NEK10: variants seen among roughly 807,000 people sequenced by gnomAD.
NEK10 encodes NIMA related kinase 10.
Under a neutral mutation model 159.8 loss-of-function variants are expected in NEK10, and 122 were observed. The ratio of observed to expected loss-of-function variants is 0.76; its 90% CI spans 0.66 to 0.89. The LOEUF is 0.89. Among genes scored for constraint, NEK10 ranks in the 40% least tolerant of loss-of-function variants. NEK10 has a pLI of 0.00. For missense variants in NEK10, 1,342 were observed against 1,323.1 expected (o/e 1.01, Z -0.22); for synonymous variants, 466 against 457.1 (o/e 1.02, Z -0.25).
At position 27,204,292 on chromosome 3, in the gene NEK10, T is replaced by TG. The variant is rs1347171704; in HGVS notation, c.2091-1736_2091-1735insC. On this transcript the variant is annotated intron_variant, in intron 23 of 35. Transcript: ENST00000691995. ...TAAATTTTCTTTTTTTTTTTTTTTT[T>TG]TTGTTGTTGTTTTTTTTTTTTTTTT... 1.8e-3 allele frequency among the ~76,000 whole-genome samples: 192 copies of TG among 106,406 alleles called. 2 individuals are homozygous for TG. Among genetic ancestry groups the TG allele is most frequent in the Non-Finnish European group, 3.2e-3 (177 of 54,702 alleles). 69.8% of individuals were successfully genotyped at this position (106,406 alleles called of 152,430 possible).
At chr3:27,167,976 T>A (rs1036144552) in intron 29 of NEK10, among the ~76,000 whole-genome samples, 1 of 152,184 alleles carries the variant, frequency 6.6e-6, no homozygotes, top group Non-Finnish European at 1.5e-5. Context: ...GGGAGTTACG[T>A]TAGTTTTTCC....
At chr3:27,327,456 G>A (rs1441487323) in intron 5 of NEK10, among the ~76,000 whole-genome samples, 1 of 152,122 alleles carries the variant, frequency 6.6e-6, no homozygotes, top group Admixed American at 6.6e-5. Context: ...ACCCCTGTCC[G>A]TGACCACCTG....
chr3:27,174,038 A>G (rs1360245128), intron 28 of NEK10, among the ~76,000 whole-genome samples: 3 of 152,126 alleles, frequency 2.0e-5, no homozygotes, highest in Non-Finnish European at 4.4e-5. Flanking sequence ...CTTTAGATTT[A>G]TATAAATAAA....
At chr3:27,181,069 T>C (rs1020148980) in intron 26 of NEK10, among the ~76,000 whole-genome samples, 4 of 152,114 alleles carry the variant, frequency 2.6e-5, no homozygotes, top group Non-Finnish European at 4.4e-5. Flanking sequence ...CTCCTTCTGC[T>C]ACCAATGTTG....
rs1232949753 is a variant in NEK10, at chr3:27,308,967, A to G, written c.675T>C (p.Val225=). 2 of 1,601,368 alleles carry G rather than the reference A, an allele frequency of 1.2e-6. No individual in the cohort carries two copies. Among genetic ancestry groups the G allele is most frequent in the East Asian group, 4.5e-5 (2 of 44,658 alleles). ...VNLLGARDTN[V]LLGSLLALAS... is the part of the protein sequence containing the mutation. ...CCAGAGCCAGAAGGGAACCCAATAG[A>G]ACATTAGTATCTCGGGCACCAAGTA... The change falls in exon 10 of 36, where the codon GTT becomes GTC. Residue 225 remains valine, a synonymous_variant. Transcript: ENST00000691995.
At position 27,109,497 on chromosome 3, in the gene NEK10, C is replaced by T. The variant is rs1939312294; in HGVS notation, c.*1775G>A. On this transcript the variant is annotated 3_prime_UTR_variant, in exon 36 of 36. Transcript: ENST00000691995. ...GTAAACCATTTATCTTCCCTTACCA[C>T]GGTACACCTTTTGAATACTATTCTT... 6.6e-6 allele frequency among the ~76,000 whole-genome samples: 1 copy of T among 152,000 alleles called. No individual in the cohort carries two copies. Among genetic ancestry groups the T allele is most frequent in the African/African-American group, 2.4e-5 (1 of 41,390 alleles).
chr3:27,223,198 C>T (rs960867347), intron 23 of NEK10, among the ~76,000 whole-genome samples: 2 of 152,192 alleles, frequency 1.3e-5, no homozygotes, highest in Non-Finnish European at 2.9e-5. Flanking sequence ...CCCTTGCTTG[C>T]TCCCTTTCTC....
At chr3:27,162,564 G>A in intron 30 of NEK10, 137 bp downstream of exon 30, 1 of 1,614,110 alleles carries the variant, frequency 6.2e-7, no homozygotes. Context: ...TGAGCATGTG[G>A]GGTGGCACTT....
chr3:27,225,426 G>A (rs911416953), intron 23 of NEK10, among the ~76,000 whole-genome samples: 4 of 150,276 alleles, frequency 2.7e-5, no homozygotes. Context: ...TTTGTTACAG[G>A]AAGAAGAAAC....
chr3:27,170,583 T>G (rs545874840), intron 29 of NEK10, among the ~76,000 whole-genome samples: 2 of 152,028 alleles, frequency 1.3e-5, no homozygotes, highest in South Asian at 2.1e-4. Flanking sequence ...AATACAAAAA[T>G]TAGCCAGGTA....
intron 26 of NEK10, among the ~76,000 whole-genome samples, chr3:27,176,064 T>C (rs973936101): frequency 6.6e-6 from 1 of 152,154 alleles, no homozygotes; most frequent in Admixed American, 6.5e-5. Context: ...AAACCTAAGA[T>C]CTTAGGGATA....
rs1166541487 is a variant in NEK10 at position 27,236,960 on chromosome 3, T to C, written c.2090+19336A>G. 3.3e-5 allele frequency among the ~76,000 whole-genome samples: 5 copies of C among 152,276 alleles called. No individual in the cohort carries two copies. In the East Asian group the frequency reaches 7.7e-4, roughly 24 times the overall value. Reference sequence around the variant, plus strand: ...ACTGCAGGAGACCAGGGCATATTTCTGTCCTTATCTCAACCGCATAAGACA... The same window carrying C: ...ACTGCAGGAGACCAGGGCATATTTCCGTCCTTATCTCAACCGCATAAGACA... On this transcript the variant is annotated intron_variant, in intron 23 of 35. Transcript: ENST00000691995.
chr3:27,113,547 C>A (rs183362330), intron 35 of NEK10, among the ~76,000 whole-genome samples: 2 of 151,448 alleles, frequency 1.3e-5, no homozygotes, highest in Admixed American at 6.6e-5. Flanking sequence ...TAATGCAATA[C>A]CCAACTTATA....
intron 3 of NEK10, among the ~76,000 whole-genome samples, chr3:27,348,143 C>G (rs1216944066): frequency 6.6e-6 from 1 of 152,134 alleles, no homozygotes; most frequent in Non-Finnish European, 1.5e-5. Context: ...AGTAGCAGCA[C>G]AAGCAAATTT....
intron 20 of NEK10, among the ~76,000 whole-genome samples, chr3:27,286,328 G>C (rs966654819): frequency 1.3e-5 from 2 of 150,750 alleles, no homozygotes; most frequent in Non-Finnish European, 3.0e-5. Context: ...CCTCGTGATC[G>C]GCCCATCTCA....
chr3:27,346,157 G>A lies in NEK10; in HGVS notation c.192C>T (p.Ile64=), dbSNP rs2047537065. The change falls in exon 4 of 36, where the codon ATC becomes ATT. Residue 64 remains isoleucine (I), a synonymous_variant. Transcript: ENST00000691995. ...QNSMTKSEPA[I]RAGGHRARGQ... The stretch of plus-strand genomic sequence containing the variant: ...CCCGAGCTCTGTGTCCACCCGCCCT[G>A]ATGGCGGGCTCAGACTTCGTCATGC... 1 of 1,613,128 alleles carries A rather than the reference G, an allele frequency of 6.2e-7. No individual in the cohort carries two copies. Among genetic ancestry groups the A allele is most frequent in the Non-Finnish European group, 8.5e-7 (1 of 1,179,240 alleles).
chr3:27,171,815 C>A lies in NEK10; in HGVS notation c.2831+4G>T. 6.2e-7 allele frequency: 1 copy of A among 1,613,560 alleles called. No homozygotes were observed. Among genetic ancestry groups the A allele is most frequent in the Non-Finnish European group, 8.5e-7 (1 of 1,179,802 alleles). On this transcript the variant is annotated splice_donor_region_variant and intron_variant, in intron 29 of 35. Coordinates refer to ENST00000691995, the MANE Select transcript of NEK10 (RefSeq NM_001394966.1). Reference sequence around the variant, plus strand: ...ATATTTCTAGGAGTTCAATTTGCACCTACCTTGTTTGGGATTGTCTTTCTC... The same window carrying A: ...ATATTTCTAGGAGTTCAATTTGCACATACCTTGTTTGGGATTGTCTTTCTC...
At chr3:27,120,545 G>A (rs910493334) in intron 32 of NEK10, among the ~76,000 whole-genome samples, 10 of 151,674 alleles carry the variant, frequency 6.6e-5, no homozygotes, top group Non-Finnish European at 1.5e-4. Context: ...GGCCAGGCTG[G>A]TCTCGAACTC....
At chr3:27,262,041 G>C (rs2040460139) in intron 22 of NEK10, among the ~76,000 whole-genome samples, 2 of 152,068 alleles carry the variant, frequency 1.3e-5, no homozygotes, top group Admixed American at 1.3e-4. Flanking sequence ...GACTAGGATT[G>C]CAACCCCTCC....
Sources: allele counts gnomAD v4.1 joint callset (sites outside exome capture counted in the v4.1 genomes callset), GRCh38; gene constraint gnomAD v4.1.1; transcripts MANE v1.5; gene names NCBI Gene and HGNC (gene_info 2026-07-23, HGNC 2026-07-21).